The following AKAP11 variants were observed in gnomAD, a reference collection of about 807,000 sequenced individuals.
AKAP11 encodes the protein A-kinase anchoring protein 11.
In AKAP11, 36 loss-of-function variants were observed where a neutral mutation model predicts 146.1. That is an observed-to-expected ratio of 0.25 (90% CI 0.19 to 0.33). The LOEUF is 0.33. Ranked by LOEUF, AKAP11 falls within the 10% of genes least tolerant of loss-of-function variation. AKAP11 has a pLI of 1.00. For synonymous variants in AKAP11, 780 were observed against 786.5 expected (o/e 0.99, Z 0.14); for missense variants, 2,201 against 2,197.0 (o/e 1.00, Z -0.04).
chr13:42,313,763 C>T lies in AKAP11; in HGVS notation c.5358-131C>T, dbSNP rs1960677543. On this transcript the variant is annotated intron_variant, in intron 10 of 12. Coordinates refer to ENST00000025301, the MANE Select transcript of AKAP11 (RefSeq NM_016248.4). ...AAGCAAAGCTTCCTTTTTTAATTGT[C>T]ATTTCTCCCCTTTCTAAATGTCATA... is the stretch of plus-strand genomic sequence containing the variant. The T allele has an allele frequency of 5.8e-6, 4 of 694,240 alleles. No homozygotes were observed. The South Asian group carries it at 9.9e-5, about 17-fold the overall frequency. 43.0% of individuals were successfully genotyped at this position (694,240 alleles called of 1,614,324 possible). A position where few individuals can be genotyped will look rare whatever the true frequency, so the allele number is the denominator to read the frequency against.
At chr13:42,279,762 G>C (rs1233590781) in intron 1 of AKAP11, among the ~76,000 whole-genome samples, 2 of 152,046 alleles carry the variant, frequency 1.3e-5, no homozygotes, top group East Asian at 3.8e-4. Flanking sequence ...TTGTATGCCA[G>C]CCATTGAGTT....
chr13:42,286,285 A>G lies in AKAP11; in HGVS notation c.-49-15A>G. The G allele has an allele frequency of 9.1e-7, 1 of 1,098,834 alleles. No homozygotes were observed. The highest frequency in any genetic ancestry group is 1.3e-6 in the Non-Finnish European group (1 of 761,602). The allele number at this position is 1,098,834 out of a possible 1,614,324, so 68.1% of individuals were successfully genotyped here. A position where few individuals can be genotyped will look rare whatever the true frequency, so the allele number is the denominator to read the frequency against. ...TAAGATCAATAAATAAGTTGTTTTA[A>G]TATGTTTTCTTTAGGTGTTTTGTGG... On this transcript the variant is annotated splice_polypyrimidine_tract_variant and intron_variant, in intron 2 of 12. Transcript: ENST00000025301.
chr13:42,278,972 T>G (rs1188249680), intron 1 of AKAP11, among the ~76,000 whole-genome samples: 1 of 152,076 alleles, frequency 6.6e-6, no homozygotes, highest in African/African-American at 2.4e-5. Flanking sequence ...AAGATAGTGC[T>G]CCATTGTCTT....
At chr13:42,317,440 C>T in intron 11 of AKAP11, 88 bp from the exon 12 acceptor site, 1 of 1,338,682 alleles carries the variant, frequency 7.5e-7, no homozygotes. Context: ...TCCTAAGAAC[C>T]AGAAAATATT....
chr13:42,301,568 G>C lies in AKAP11; in HGVS notation c.2822G>C (p.Arg941Pro). The change falls in exon 8 of 13, where the codon CGG becomes CCG. Residue 941 changes from arginine to proline, a missense_variant. Around this residue, in one of 3 missense-constraint regions of AKAP11, gnomAD observed 1,867 missense variants for 1,833.5 expected, o/e 1.02. Transcript: ENST00000025301. ...AGCAATAAGGACATGTTTGCTGACC[G>C]GTTATCTAAATCTATTATTAAACAT... ...ASSNKDMFADRLSKSIIKHSI... is the reference protein window; with the variant it reads ...ASSNKDMFADPLSKSIIKHSI... 1 of 1,614,020 alleles carries C rather than the reference G, an allele frequency of 6.2e-7. No individual in the cohort carries two copies. The highest frequency in any genetic ancestry group is 8.5e-7 in the Non-Finnish European group (1 of 1,179,952).
chr13:42,281,775 A>G (rs1360460015), intron 1 of AKAP11, among the ~76,000 whole-genome samples: 1 of 152,104 alleles, frequency 6.6e-6, no homozygotes, highest in Non-Finnish European at 1.5e-5. Context: ...GATAATGCTA[A>G]TATGCCAGAA....
chr13:42,310,856 CAAA>C (rs34581714), intron 9 of AKAP11, among the ~76,000 whole-genome samples: 37 of 123,750 alleles, frequency 3.0e-4, no homozygotes, highest in Admixed American at 2.4e-4. Flanking sequence ...CAGACTCCGT[CAAA>C]AAAAAAAAAA....
chr13:42,272,185 A>G lies in AKAP11; in HGVS notation c.-143A>G, dbSNP rs2138364385. 6.5e-6 allele frequency: 1 copy of G among 152,970 alleles called. No individual in the cohort carries two copies. The highest frequency in any genetic ancestry group is 1.9e-4 in the East Asian group (1 of 5,160). The allele number at this position is 152,970 out of a possible 1,614,324, so 9.5% of individuals were successfully genotyped here. On this transcript the variant is annotated 5_prime_UTR_variant, in exon 1 of 13. Transcript: ENST00000025301. ...TGCCCGGCTCGCTCACGGGTCGTTGAGGCCGGTGACATGTCTGTGAGCTGC... is the reference window on the plus strand; with the variant it reads ...TGCCCGGCTCGCTCACGGGTCGTTGGGGCCGGTGACATGTCTGTGAGCTGC...
At chr13:42,312,444 T>G (rs1960609740) in intron 9 of AKAP11, among the ~76,000 whole-genome samples, 1 of 152,194 alleles carries the variant, frequency 6.6e-6, no homozygotes. Context: ...ATGTTTGTTA[T>G]TTGCCATCTA....
intron 8 of AKAP11, among the ~76,000 whole-genome samples, chr13:42,304,678 C>T (rs551347495): frequency 6.6e-6 from 1 of 152,228 alleles, no homozygotes; most frequent in East Asian, 1.9e-4. Context: ...GATTGGTTCA[C>T]AATCTAAGAG....
In AKAP11 at chr13:42,302,691, G is replaced by A. The variant is rs772339867; in HGVS notation, c.3945G>A (p.Val1315=). 10 of 1,613,940 alleles carry A rather than the reference G, an allele frequency of 6.2e-6. No homozygotes were observed. In the South Asian group the frequency reaches 7.7e-5, roughly 12 times the overall value. The part of the protein sequence containing the change: ...DIEAVVHPRE[V]DPFILSLPPS... ...AGGCTGTAGTGCACCCAAGAGAAGT[G>A]GATCCGTTTATTCTTTCATTACCAC... Residue 1315 remains valine, a synonymous_variant, in exon 8 of 13, where the codon GTG becomes GTA. Coordinates refer to ENST00000025301, the MANE Select transcript of AKAP11 (RefSeq NM_016248.4).
Position 42,303,288 on chromosome 13 carries a change from C to T in AKAP11, c.4542C>T (p.Ser1514=). ...TPELPKSLQP[S]SQNHRFYHST... ...AATTGCCTAAGTCTCTTCAGCCTTC[C>T]TCACAAAATCACAGGTTTTACCACA... The change falls in exon 8 of 13, where the codon TCC becomes TCT. Residue 1514 remains serine (S), a synonymous_variant. Transcript: ENST00000025301. 1 of 1,613,032 alleles carries T rather than the reference C, an allele frequency of 6.2e-7. No homozygotes were observed.
At position 42,300,349 on chromosome 13, in the gene AKAP11, C is replaced by A. The variant is rs546210785; in HGVS notation, c.1603C>A (p.Gln535Lys). The A allele has an allele frequency of 1.9e-6, 3 of 1,604,242 alleles. No individual in the cohort carries two copies. The highest frequency in any genetic ancestry group is 2.3e-5 in the South Asian group (2 of 88,252). Residue 535 changes from glutamine (Q) to lysine (K), a missense_variant, in exon 8 of 13, where the codon CAA becomes AAA. Coordinates refer to ENST00000025301, the MANE Select transcript of AKAP11 (RefSeq NM_016248.4). ...TVTFKHGNLD[Q>K]KNKSKNKSLM... ...AACTTTTAAGCATGGAAACCTTGAT[C>A]AAAAAAATAAATCTAAAAATAAATC... is the stretch of plus-strand genomic sequence containing the variant.
rs141739172 is a variant in AKAP11, at chr13:42,312,010, T to G, written c.5274-1037T>G. On this transcript the variant is annotated intron_variant, in intron 9 of 12. Coordinates refer to ENST00000025301, the MANE Select transcript of AKAP11 (RefSeq NM_016248.4). ...TTTTTTAGAACTTGAAGTAATCACC[T>G]TTTTTTGTTAACCATACCAACATTT... 6.9e-3 allele frequency among the ~76,000 whole-genome samples: 1,054 copies of G among 152,258 alleles called. 6 individuals carry two copies. The highest frequency in any genetic ancestry group is 9.7e-3 in the Non-Finnish European group (662 of 67,970).
chr13:42,297,617 T>C (rs1959594873), intron 6 of AKAP11, among the ~76,000 whole-genome samples: 1 of 152,000 alleles, frequency 6.6e-6, no homozygotes, highest in Non-Finnish European at 1.5e-5. Flanking sequence ...GGACATCTGA[T>C]GTGTTCTTTA....
At chr13:42,275,594 C>A (rs1958897542) in intron 1 of AKAP11, among the ~76,000 whole-genome samples, 1 of 152,184 alleles carries the variant, frequency 6.6e-6, no homozygotes. Flanking sequence ...AATTTGAGTT[C>A]TTCCTCTGGC....
chr13:42,317,409 T>G (rs1013593720), intron 11 of AKAP11, 119 bp from the exon 12 acceptor site: 1 of 1,074,658 alleles, frequency 9.3e-7, no homozygotes, highest in African/African-American at 1.6e-5. Context: ...AGATGGATAT[T>G]TTTTTCACCA....
chr13:42,308,715 A>C, intron 9 of AKAP11, 106 bp downstream of exon 9: 1 of 855,690 alleles, frequency 1.2e-6, no homozygotes, highest in Non-Finnish European at 1.7e-6. Context: ...AAAATATGCT[A>C]TTACTTTCAA....
At chr13:42,305,222 A>G (rs1260465805) in intron 8 of AKAP11, among the ~76,000 whole-genome samples, 1 of 152,236 alleles carries the variant, frequency 6.6e-6, no homozygotes, top group Non-Finnish European at 1.5e-5. Flanking sequence ...ATTGAGTCAC[A>G]TGATATTCCA....
Sources: allele counts gnomAD v4.1 joint callset (sites outside exome capture counted in the v4.1 genomes callset), GRCh38; gene constraint gnomAD v4.1.1; regional missense constraint gnomAD v4.1.1; transcripts MANE v1.5; gene names NCBI Gene and HGNC (gene_info 2026-07-23, HGNC 2026-07-21).